The following PRPF3 variants were observed in gnomAD, a reference collection of about 807,000 sequenced individuals.
The protein encoded by PRPF3 is U4/U6 small nuclear ribonucleoprotein Prp3.
Under a neutral mutation model 89.2 loss-of-function variants are expected in PRPF3, and 3 were observed. The ratio of observed to expected loss-of-function variants is 0.03; its 90% confidence interval spans 0.02 to 0.09. The LOEUF (loss-of-function observed/expected upper bound fraction) is 0.09, where lower values mean the gene tolerates loss of function less well. Among genes scored for constraint, PRPF3 ranks in the 10% least tolerant of loss-of-function variants. The pLI, the probability that PRPF3 is intolerant of heterozygous loss-of-function variation, is 1.00. For missense variants in PRPF3, 463 were observed against 828.8 expected, an observed-to-expected ratio of 0.56 and a Z score of 5.42; for synonymous variants, 270 against 289.1, an observed-to-expected ratio of 0.93 and a Z score of 0.67.
Position 150,352,828 on chromosome 1 carries a change from T to C in PRPF3, c.1906-5T>C, listed in dbSNP as rs782298709. ...AAGTGTTTTTATTATATATCTCTTT[T>C]CTAGGGTACAGCCAAAGACCGGAGC... On this transcript the variant is annotated splice_polypyrimidine_tract_variant and splice_region_variant and intron_variant, in intron 15 of 15. Coordinates refer to ENST00000324862, the MANE Select transcript of PRPF3 (RefSeq NM_004698.4). The C allele has an allele frequency of 6.2e-7, 1 of 1,613,938 alleles. No individual in the cohort carries two copies. The highest frequency in any genetic ancestry group is 8.5e-7 in the Non-Finnish European group (1 of 1,179,836).
At chr1:150,343,810 A>T (rs181836645) in intron 10 of PRPF3, among the ~76,000 whole-genome samples, 57 of 152,318 alleles carry the variant, frequency 3.7e-4, no homozygotes, top group African/African-American at 1.3e-3. Context: ...AAAAAACTTG[A>T]CCCTGTAGTT....
intron 12 of PRPF3, among the ~76,000 whole-genome samples, chr1:150,344,983 T>C (rs1553872541): frequency 6.6e-6 from 1 of 152,070 alleles, no homozygotes; most frequent in East Asian, 1.9e-4. Flanking sequence ...CCCTGATGTA[T>C]TGCTGTGTTT....
Position 150,335,258 on chromosome 1 carries a change from AT to A in PRPF3, c.1035+18del. 1.2e-6 allele frequency: 2 copies of A among 1,609,390 alleles called. No individual in the cohort carries two copies. The highest frequency in any genetic ancestry group is 1.7e-6 in the Non-Finnish European group (2 of 1,175,858). On this transcript the variant is annotated intron_variant, in intron 7 of 15. Transcript: ENST00000324862. ...CGGACAAAGGTATCTGGCTTAGAGT[AT>A]AACACAGAATTTGGAAAAAGTTAAG...
At chr1:150,346,864 A>G (rs1042269442) in intron 14 of PRPF3, among the ~76,000 whole-genome samples, 6 of 152,128 alleles carry the variant, frequency 3.9e-5, no homozygotes, top group African/African-American at 1.4e-4. Flanking sequence ...AGGCGGGCAG[A>G]TTGCCTGAGG....
At chr1:150,341,299 A>G (rs1657685598) in intron 9 of PRPF3, among the ~76,000 whole-genome samples, 2 of 151,776 alleles carry the variant, frequency 1.3e-5, no homozygotes, top group South Asian at 4.2e-4. Flanking sequence ...TTGGTGTGTT[A>G]TTAGATGCGA....
chr1:150,334,580 C>T (rs1004938947), intron 6 of PRPF3, among the ~76,000 whole-genome samples: 5 of 151,994 alleles, frequency 3.3e-5, no homozygotes, highest in Non-Finnish European at 5.9e-5. Flanking sequence ...GCCTCAGCCT[C>T]CCAAAGTGCT....
At chr1:150,348,173 A>G (rs1404971685) in intron 14 of PRPF3, among the ~76,000 whole-genome samples, 2 of 152,066 alleles carry the variant, frequency 1.3e-5, no homozygotes, top group Non-Finnish European at 2.9e-5. Context: ...ACCTGAGGTC[A>G]GGAGTTTGAG....
intron 15 of PRPF3, among the ~76,000 whole-genome samples, chr1:150,349,845 T>C (rs1342831086): frequency 6.8e-6 from 1 of 147,400 alleles, no homozygotes; most frequent in African/African-American, 2.5e-5. Context: ...AATGTTTTCA[T>C]GTTTGCTTTT....
intron 6 of PRPF3, 41 bp from the exon 7 acceptor site, chr1:150,334,894 T>C: frequency 6.2e-7 from 1 of 1,611,636 alleles, no homozygotes; most frequent in Non-Finnish European, 8.5e-7. Context: ...CTTGCCTTAA[T>C]GTTCCATACA....
chr1:150,325,729 C>A (rs1655642416), intron 2 of PRPF3, 22 bp from the exon 3 acceptor site: 4 of 1,609,604 alleles, frequency 2.5e-6, no homozygotes, highest in Non-Finnish European at 2.5e-6. Flanking sequence ...TCCAACCCTA[C>A]CACCGCCTTT....
intron 9 of PRPF3, among the ~76,000 whole-genome samples, chr1:150,342,904 C>T (rs939754403): frequency 2.6e-5 from 4 of 152,206 alleles, no homozygotes; most frequent in Admixed American, 6.6e-5. Context: ...CTTGGGCTCA[C>T]GCCATCCTCC....
At chr1:150,327,514 C>A in intron 3 of PRPF3, 1 of 958,284 alleles carries the variant, frequency 1.0e-6, no homozygotes, top group East Asian at 1.2e-4. Flanking sequence ...GGTCCCCACC[C>A]CACACAATAT....
In PRPF3 at chr1:150,325,885, G is replaced by A. The variant is rs782689705; in HGVS notation, c.276+4G>A. On this transcript the variant is annotated splice_donor_region_variant and intron_variant, in intron 3 of 15. Coordinates refer to ENST00000324862, the MANE Select transcript of PRPF3 (RefSeq NM_004698.4). ...GAGCAGAAAACGAGAGCTAAAGGTAGGTTACAATTTACTGTCTAATGAGCT... is the reference window on the plus strand; with the variant it reads ...GAGCAGAAAACGAGAGCTAAAGGTAAGTTACAATTTACTGTCTAATGAGCT... 18 of 1,612,238 alleles carry A rather than the reference G, an allele frequency of 1.1e-5. No individual in the cohort carries two copies. Among genetic ancestry groups the A allele is most frequent in the Non-Finnish European group, 1.5e-5 (18 of 1,178,858 alleles).
In PRPF3 at chr1:150,325,102, G is replaced by A; in HGVS notation, c.145+15G>A. On this transcript the variant is annotated intron_variant, in intron 2 of 15. Transcript: ENST00000324862. ...GAAGGCAGCCGGTATGTACCTTTCT[G>A]CATCTTTTATCTTAACATATAGGGT... 6.2e-7 allele frequency: 1 copy of A among 1,611,710 alleles called. No homozygotes were observed. Among genetic ancestry groups the A allele is most frequent in the South Asian group, 1.1e-5 (1 of 91,008 alleles).
chr1:150,336,755 C>CA (rs1210951765), intron 7 of PRPF3, among the ~76,000 whole-genome samples: 1 of 151,260 alleles, frequency 6.6e-6, no homozygotes, highest in Non-Finnish European at 1.5e-5. Context: ...AACTCCGTCT[C>CA]AAAAAATATA....
intron 9 of PRPF3, among the ~76,000 whole-genome samples, chr1:150,341,188 G>C (rs1657671493): frequency 6.6e-6 from 1 of 150,670 alleles, no homozygotes; most frequent in South Asian, 2.1e-4. Flanking sequence ...ACAGTTCCCT[G>C]GTTGTTCCTA....
At chr1:150,328,521 G>GT in intron 4 of PRPF3, 55 bp downstream of exon 4, 1 of 1,437,460 alleles carries the variant, frequency 7.0e-7, no homozygotes, top group South Asian at 1.1e-5. Context: ...GAAGCAAAAG[G>GT]TGCATGGGTC....
intron 2 of PRPF3, 94 bp downstream of exon 2, chr1:150,325,181 A>T: frequency 6.9e-7 from 1 of 1,439,996 alleles, no homozygotes; most frequent in East Asian, 2.3e-5. Context: ...GGGAACATCT[A>T]AAAAAATGGC....
At chr1:150,350,431 C>A (rs1658807261) in intron 15 of PRPF3, among the ~76,000 whole-genome samples, 1 of 151,798 alleles carries the variant, frequency 6.6e-6, no homozygotes, top group South Asian at 2.1e-4. Context: ...GAACTCCTGA[C>A]CTGAGGTCCG....
Sources: gnomAD v4.1 joint callset for allele counts (sites outside exome capture counted in the v4.1 genomes callset) on GRCh38, gnomAD v4.1.1 for gene constraint, MANE v1.5 for transcripts, NCBI Gene and HGNC (gene_info 2026-07-23, HGNC 2026-07-21) for gene names.